Variants in TMEM144 observed in about 807,000 individuals in gnomAD.
TMEM144 encodes the protein transmembrane protein 144.
In TMEM144, 39 loss-of-function variants were observed where a neutral mutation model predicts 43.6. That is an observed-to-expected ratio of 0.90 (90% CI 0.69 to 1.17). The LOEUF (loss-of-function observed/expected upper bound fraction) is 1.17. TMEM144 is among the 50% of genes most tolerant of loss of function. The pLI is 0.00. For synonymous variants in TMEM144, 154 were observed against 133.6 expected (o/e 1.15, Z -1.06); for missense variants, 417 against 411.9 (o/e 1.01, Z -0.11).
chr4:158,227,857 C>G (rs1487227244), intron 6 of TMEM144, among the ~76,000 whole-genome samples: 10 of 131,858 alleles, frequency 7.6e-5, no homozygotes, highest in Admixed American at 7.2e-4. Flanking sequence ...TTTAAGTTTT[C>G]CTGGTGTCAT....
At chr4:158,247,713 T>A (rs1464505440) in intron 12 of TMEM144, among the ~76,000 whole-genome samples, 2 of 152,138 alleles carry the variant, frequency 1.3e-5, no homozygotes, top group Non-Finnish European at 2.9e-5. Flanking sequence ...TACTGTATTT[T>A]ACTTTGCTAC....
chr4:158,237,734 T>C (rs1579136633), intron 9 of TMEM144, 91 bp downstream of exon 9: 4 of 892,744 alleles, frequency 4.5e-6, no homozygotes. Flanking sequence ...ATGGGTCGAT[T>C]CGATCTTTCT....
At chr4:158,227,807 A>G (rs1428275210) in intron 6 of TMEM144, among the ~76,000 whole-genome samples, 1 of 152,176 alleles carries the variant, frequency 6.6e-6, no homozygotes, top group Non-Finnish European at 1.5e-5. Flanking sequence ...TCTGATGGCC[A>G]ACTTACCTTC....
chr4:158,219,508 C>T (rs1245824732), intron 6 of TMEM144, 118 bp downstream of exon 6: 1 of 991,328 alleles, frequency 1.0e-6, no homozygotes, highest in African/African-American at 1.6e-5. Flanking sequence ...CATGCTTGTT[C>T]CTCAGATTCT....
rs553909739 is a variant in TMEM144, at chr4:158,240,261, T to TAAA, written c.683-36_683-34dup. 140 of 1,581,808 alleles carry TAAA rather than the reference T, an allele frequency of 8.9e-5. No individual in the cohort carries two copies. The African/African-American group carries it at 1.7e-3, about 19-fold the overall frequency. ...GAAATCTAAATATATCTGGAATGATTAAAATGGTGTTTGAGAGTTTTTAAT... is the reference window on the plus strand; with the variant it reads ...GAAATCTAAATATATCTGGAATGATTAAAAAAATGGTGTTTGAGAGTTTTTAAT... On this transcript the variant is annotated intron_variant, in intron 9 of 12. Coordinates refer to ENST00000296529, the MANE Select transcript of TMEM144 (RefSeq NM_018342.5).
At chr4:158,248,043 C>G (rs1053159712) in intron 12 of TMEM144, among the ~76,000 whole-genome samples, 1 of 16,192 alleles carries the variant, frequency 6.2e-5, no homozygotes, top group Non-Finnish European at 1.8e-4. Flanking sequence ...ACTGTTTGCT[C>G]TTTTCTGTTT....
chr4:158,230,834 A>G (rs983616987), intron 6 of TMEM144, among the ~76,000 whole-genome samples: 1 of 152,160 alleles, frequency 6.6e-6, no homozygotes, highest in Non-Finnish European at 1.5e-5. Flanking sequence ...CACTCCTATA[A>G]TAAAAGACAG....
chr4:158,232,287 T>G (rs1338333213), intron 6 of TMEM144, among the ~76,000 whole-genome samples: 1 of 152,220 alleles, frequency 6.6e-6, no homozygotes, highest in African/African-American at 2.4e-5. Flanking sequence ...ATCCTGGAGA[T>G]CTTCCCATAT....
At chr4:158,219,438 G>A in intron 6 of TMEM144, 48 bp downstream of exon 6, 1 of 1,558,226 alleles carries the variant, frequency 6.4e-7, no homozygotes, top group Non-Finnish European at 8.8e-7. Flanking sequence ...AACATGGAGA[G>A]TGCTTTTTTA....
At chr4:158,212,020 A>G (rs1427161979) in intron 2 of TMEM144, 2 of 152,238 alleles carry the variant, frequency 1.3e-5, no homozygotes, top group Non-Finnish European at 2.9e-5. Flanking sequence ...TTAAATTTGC[A>G]GGAAAAAAGA....
At chr4:158,230,476 A>G (rs1460538138) in intron 6 of TMEM144, among the ~76,000 whole-genome samples, 1 of 152,102 alleles carries the variant, frequency 6.6e-6, no homozygotes, top group Non-Finnish European at 1.5e-5. Context: ...CTAACATATC[A>G]TTCTGTATTG....
At chr4:158,239,967 G>A (rs1271802454) in intron 9 of TMEM144, among the ~76,000 whole-genome samples, 3 of 150,338 alleles carry the variant, frequency 2.0e-5, no homozygotes, top group Non-Finnish European at 4.4e-5. Flanking sequence ...CTCACTTCAA[G>A]CTCCGCCTCC....
intron 5 of TMEM144, among the ~76,000 whole-genome samples, chr4:158,218,774 T>C (rs1347857602): frequency 3.9e-5 from 6 of 152,204 alleles, no homozygotes; most frequent in Admixed American, 3.9e-4. Context: ...CTTTTATGTA[T>C]ACTAACTCAT....
intron 7 of TMEM144, chr4:158,233,211 C>T: frequency 2.8e-6 from 1 of 363,230 alleles, no homozygotes; most frequent in Non-Finnish European, 5.0e-6. Context: ...TAACAGATCT[C>T]TACTAGGTGA....
At chr4:158,233,096 T>G in intron 7 of TMEM144, 114 bp downstream of exon 7, 1 of 730,368 alleles carries the variant, frequency 1.4e-6, no homozygotes, top group South Asian at 2.1e-5. Flanking sequence ...CTCCTGGCTA[T>G]GTAAAATATC....
At chr4:158,214,730 A>G (rs1387247007) in intron 3 of TMEM144, among the ~76,000 whole-genome samples, 1 of 152,184 alleles carries the variant, frequency 6.6e-6, no homozygotes, top group Non-Finnish European at 1.5e-5. Context: ...CAGAGGTGGC[A>G]TAAATGGTCC....
At chr4:158,232,798 T>C in intron 6 of TMEM144, 103 bp from the exon 7 acceptor site, 2 of 763,622 alleles carry the variant, frequency 2.6e-6, no homozygotes, top group South Asian at 3.4e-5. Context: ...ATTGTATCAT[T>C]AGGATCCGAT....
chr4:158,246,515 G>A (rs1220595706), intron 12 of TMEM144, among the ~76,000 whole-genome samples: 2 of 151,884 alleles, frequency 1.3e-5, no homozygotes, highest in African/African-American at 4.8e-5. Context: ...TAATAAACTT[G>A]TTTCAAAAAT....
In TMEM144 at chr4:158,217,397, C is replaced by T; in HGVS notation, c.309C>T (p.Ala103=). The T allele has an allele frequency of 6.2e-7, 1 of 1,612,848 alleles. No homozygotes were observed. The highest frequency in any genetic ancestry group is 8.5e-7 in the Non-Finnish European group (1 of 1,179,248). Residue 103 remains alanine (A), a synonymous_variant, in exon 5 of 13, where the codon GCC becomes GCT. Transcript: ENST00000296529. ...TCTTAATCTGGGGATCATTTAATGC[C>T]TTAACTGGCTGGGCAAGCTCAAGGT... The part of the protein sequence containing the change: ...LGILIWGSFN[A]LTGWASSRFG...
Sources: allele counts gnomAD v4.1 joint callset (sites outside exome capture counted in the v4.1 genomes callset), GRCh38; gene constraint gnomAD v4.1.1; transcripts MANE v1.5; gene names NCBI Gene and HGNC (gene_info 2026-07-23, HGNC 2026-07-21).